The following FBXO11 variants were observed in gnomAD, a reference collection of about 807,000 sequenced individuals.
FBXO11 encodes F-box only protein 11.
FBXO11 carries 13 observed loss-of-function variants against 117.0 expected under a neutral mutation model. The observed-to-expected ratio is 0.11, with a 90% CI of 0.07 to 0.18. The LOEUF is 0.18. FBXO11 is among the 10% of genes least tolerant of loss of function. The probability of loss-of-function intolerance (pLI) is 1.00; values close to 1 mark genes in which losing one functional copy is unlikely to be tolerated. For missense variants in FBXO11, 767 were observed against 1,164.4 expected (o/e 0.66, Z 4.97); for synonymous variants, 490 against 380.5 (o/e 1.29, Z -3.35).
chr2:47,883,695 T>C (rs1230727297), intron 1 of FBXO11: 8 of 270,004 alleles, frequency 3.0e-5, no homozygotes, highest in African/African-American at 1.8e-4. Context: ...CAAGGAAGAA[T>C]TCTTATACAA....
At chr2:47,888,867 A>G (rs1677059353) in intron 1 of FBXO11, 1 of 154,048 alleles carries the variant, frequency 6.5e-6, no homozygotes, top group African/African-American at 2.4e-5. Flanking sequence ...ATTAAAACAC[A>G]TCTGCTTTTT....
At chr2:47,855,297 C>T (rs904666831) in intron 1 of FBXO11, among the ~76,000 whole-genome samples, 6 of 151,810 alleles carry the variant, frequency 4.0e-5, no homozygotes, top group African/African-American at 7.3e-5. Flanking sequence ...ACTTCTGGAG[C>T]TCAAGTGATC....
At chr2:47,821,817 G>A (rs190069646) in intron 13 of FBXO11, among the ~76,000 whole-genome samples, 15 of 152,012 alleles carry the variant, frequency 9.9e-5, no homozygotes, top group Admixed American at 7.9e-4. Context: ...AAAGGGCAGC[G>A]CATGAGACTC....
intron 7 of FBXO11, among the ~76,000 whole-genome samples, chr2:47,834,236 G>T (rs1484791053): frequency 6.6e-6 from 1 of 152,112 alleles, no homozygotes; most frequent in Non-Finnish European, 1.5e-5. Flanking sequence ...TATAATCCCA[G>T]CTACTTGAGA....
At chr2:47,874,390 C>T (rs1675843234) in intron 1 of FBXO11, among the ~76,000 whole-genome samples, 1 of 151,872 alleles carries the variant, frequency 6.6e-6, no homozygotes, top group Non-Finnish European at 1.5e-5. Context: ...CAAAGGATGC[C>T]TTAAAAATTT....
At position 47,834,963 on chromosome 2, in the gene FBXO11, A is replaced by C. The variant is rs928013580; in HGVS notation, c.718-92T>G. Reference sequence around the variant, plus strand: ...CAATTGCATGAACAACTTTTATTACAAATCAAAAATAATTCTCAACTATTC... The same window carrying C: ...CAATTGCATGAACAACTTTTATTACCAATCAAAAATAATTCTCAACTATTC... On this transcript the variant is annotated intron_variant, in intron 5 of 22. Coordinates refer to ENST00000403359, the MANE Select transcript of FBXO11 (RefSeq NM_001190274.2). 16 of 857,924 alleles carry C rather than the reference A, an allele frequency of 1.9e-5. No individual in the cohort carries two copies. In the African/African-American group the frequency reaches 2.8e-4, roughly 15 times the overall value. 53.1% of individuals were successfully genotyped at this position (857,924 alleles called of 1,614,324 possible). A position where few individuals can be genotyped will look rare whatever the true frequency, so the allele number is the denominator to read the frequency against.
chr2:47,810,736 T>C, intron 18 of FBXO11: 1 of 219,644 alleles, frequency 4.6e-6, no homozygotes, highest in Non-Finnish European at 8.9e-6. Flanking sequence ...TGAGTATTGC[T>C]GAATTAAAGC....
chr2:47,835,912 T>C lies in FBXO11; in HGVS notation c.677A>G (p.Tyr226Cys), dbSNP rs142422435. The C allele has an allele frequency of 1.8e-5, 29 of 1,611,540 alleles. No homozygotes were observed. The African/African-American group carries it at 3.7e-4, about 21-fold the overall frequency. ...CTCTTTCCAGGGATTTGGATGTTCA[T>C]ACTCTTCTGGATTAATCTGGTAGAA... Reference protein sequence around the residue: ...GKFYQINPEEYEHPNPWKESF... With the variant: ...GKFYQINPEECEHPNPWKESF... The change falls in exon 5 of 23, where the codon TAT (tyrosine) becomes TGT (cysteine). Residue 226 changes from tyrosine to cysteine, a missense_variant. Physicochemically the swap from Tyr to Cys is radical, Grantham distance 194 (BLOSUM62 -2). Coordinates refer to ENST00000403359, the MANE Select transcript of FBXO11 (RefSeq NM_001190274.2).
At chr2:47,900,108 C>G (rs949560752) in intron 1 of FBXO11, among the ~76,000 whole-genome samples, 1 of 152,060 alleles carries the variant, frequency 6.6e-6, no homozygotes, top group Non-Finnish European at 1.5e-5. Flanking sequence ...AGGATAAGAG[C>G]TCTTAGGCCT....
intron 1 of FBXO11, among the ~76,000 whole-genome samples, chr2:47,868,380 C>T (rs1267111301): frequency 3.3e-5 from 5 of 151,404 alleles, no homozygotes; most frequent in African/African-American, 9.7e-5. Context: ...TGAAATTTCA[C>T]AATATGCCAC....
intron 1 of FBXO11, among the ~76,000 whole-genome samples, chr2:47,843,524 T>A (rs1350450478): frequency 2.6e-5 from 4 of 152,172 alleles, no homozygotes; most frequent in Non-Finnish European, 5.9e-5. Context: ...TTCTTCCTGG[T>A]GAATTATTCC....
intron 1 of FBXO11, among the ~76,000 whole-genome samples, chr2:47,868,885 C>G (rs372724556): frequency 6.6e-6 from 1 of 152,214 alleles, no homozygotes; most frequent in Non-Finnish European, 1.5e-5. Context: ...TTTGTTCTCA[C>G]TGGCATAGAC....
intron 20 of FBXO11, 130 bp downstream of exon 20, chr2:47,809,470 T>G (rs1025595373): frequency 1.1e-4 from 79 of 750,568 alleles, no homozygotes; most frequent in Non-Finnish European, 1.6e-4. Context: ...AAAGCTCTGT[T>G]TCTTTCAAAA....
chr2:47,878,952 C>T (rs911935512), intron 1 of FBXO11, among the ~76,000 whole-genome samples: 1 of 149,284 alleles, frequency 6.7e-6, no homozygotes, highest in Admixed American at 6.6e-5. Flanking sequence ...GCACTCCAAG[C>T]GAAACTCTGT....
At chr2:47,880,247 T>C (rs562958073) in intron 1 of FBXO11, among the ~76,000 whole-genome samples, 8 of 152,278 alleles carry the variant, frequency 5.3e-5, no homozygotes, top group African/African-American at 1.2e-4. Flanking sequence ...TCCACCCAAC[T>C]TGGCCTCCCA....
At chr2:47,850,319 A>C (rs1673761998) in intron 1 of FBXO11, among the ~76,000 whole-genome samples, 1 of 152,158 alleles carries the variant, frequency 6.6e-6, no homozygotes, top group African/African-American at 2.4e-5. Flanking sequence ...TACCTGTGAG[A>C]CATTCAAGTG....
intron 1 of FBXO11, among the ~76,000 whole-genome samples, chr2:47,880,449 G>A (rs1349097553): frequency 1.3e-5 from 2 of 151,938 alleles, no homozygotes; most frequent in Admixed American, 1.3e-4. Context: ...CATTTTTTCA[G>A]TTTTCCTGGC....
chr2:47,880,533 A>G (rs972234518), intron 1 of FBXO11, among the ~76,000 whole-genome samples: 5 of 152,220 alleles, frequency 3.3e-5, no homozygotes, highest in Admixed American at 3.3e-4. Flanking sequence ...AAATTAAAAA[A>G]CATTGTGTTG....
At chr2:47,817,573 C>G (rs1671090831) in intron 16 of FBXO11, among the ~76,000 whole-genome samples, 1 of 152,226 alleles carries the variant, frequency 6.6e-6, no homozygotes, top group Admixed American at 6.5e-5. Flanking sequence ...TTTAGACATA[C>G]TTTCCTCACT....
Sources: gnomAD v4.1 joint callset for allele counts (sites outside exome capture counted in the v4.1 genomes callset) on GRCh38, gnomAD v4.1.1 for gene constraint, MANE v1.5 for transcripts, NCBI Gene and HGNC (gene_info 2026-07-23, HGNC 2026-07-21) for gene names.